MIPOL1: variants seen among roughly 807,000 people sequenced by gnomAD.
MIPOL1 encodes mirror-image polydactyly 1.
Under a neutral mutation model 60.9 loss-of-function variants are expected in MIPOL1, and 57 were observed. The ratio of observed to expected loss-of-function variants is 0.94; its 90% CI spans 0.76 to 1.17. The LOEUF is 1.17. Among genes scored for constraint, MIPOL1 ranks in the 50% most tolerant of loss-of-function variants. MIPOL1 has a pLI of 0.00. For missense variants in MIPOL1, 551 were observed against 511.6 expected (o/e 1.08, Z -0.74); for synonymous variants, 179 against 168.8 (o/e 1.06, Z -0.47).
At chr14:37,333,245 T>C (rs554787535) in intron 9 of MIPOL1, among the ~76,000 whole-genome samples, 1 of 152,326 alleles carries the variant, frequency 6.6e-6, no homozygotes, top group South Asian at 2.1e-4. Context: ...GTAAATTATA[T>C]TAATAAAATA....
chr14:37,244,972 C>T (rs1269807617), intron 1 of MIPOL1, among the ~76,000 whole-genome samples: 1 of 152,048 alleles, frequency 6.6e-6, no homozygotes, highest in Admixed American at 6.6e-5. Context: ...AAATGTGCCA[C>T]TAAATCTGTT....
intron 12 of MIPOL1, among the ~76,000 whole-genome samples, chr14:37,536,640 C>G (rs1414513581): frequency 1.3e-5 from 2 of 152,094 alleles, no homozygotes; most frequent in African/African-American, 4.8e-5. Context: ...TTTTCTCGCT[C>G]TCTCTAGAAT....
At chr14:37,299,725 CTT>C (rs961377486) in intron 7 of MIPOL1, among the ~76,000 whole-genome samples, 2 of 152,080 alleles carry the variant, frequency 1.3e-5, no homozygotes, top group Admixed American at 1.3e-4. Context: ...TACCATGATA[CTT>C]TTGTCACGGG....
intron 11 of MIPOL1, among the ~76,000 whole-genome samples, chr14:37,466,025 A>C (rs2153585273): frequency 6.6e-6 from 1 of 152,318 alleles, no homozygotes; most frequent in South Asian, 2.1e-4. Context: ...GATAATTTAA[A>C]AAGTCAATAG....
intron 1 of MIPOL1, among the ~76,000 whole-genome samples, chr14:37,231,492 AT>A (rs1970620626): frequency 6.6e-6 from 1 of 152,160 alleles, no homozygotes; most frequent in Non-Finnish European, 1.5e-5. Flanking sequence ...ATACTGACTG[AT>A]TTCTATGGTG....
intron 7 of MIPOL1, among the ~76,000 whole-genome samples, chr14:37,302,555 T>C (rs2086395930): frequency 6.6e-6 from 1 of 151,746 alleles, no homozygotes; most frequent in African/African-American, 2.4e-5. Context: ...GTCTTGTTTT[T>C]TTGAGTCTCT....
chr14:37,471,100 A>C (rs1456754234), intron 11 of MIPOL1, among the ~76,000 whole-genome samples: 2 of 152,166 alleles, frequency 1.3e-5, no homozygotes, highest in Non-Finnish European at 2.9e-5. Context: ...TATACAAATA[A>C]ATTTTTAAGT....
At chr14:37,248,901 T>C (rs1336755006) in intron 3 of MIPOL1, among the ~76,000 whole-genome samples, 1 of 151,610 alleles carries the variant, frequency 6.6e-6, no homozygotes, top group Non-Finnish European at 1.5e-5. Context: ...CAGAGAACAG[T>C]CAGAGACAGA....
intron 7 of MIPOL1, among the ~76,000 whole-genome samples, chr14:37,287,503 C>G (rs1231395728): frequency 3.3e-5 from 5 of 152,128 alleles, no homozygotes; most frequent in Non-Finnish European, 7.3e-5. Flanking sequence ...ATCCTCTCAC[C>G]TTGGCCTTCC....
chr14:37,491,070 T>C (rs1471945496), intron 11 of MIPOL1, among the ~76,000 whole-genome samples: 2 of 152,248 alleles, frequency 1.3e-5, no homozygotes, highest in African/African-American at 4.8e-5. Flanking sequence ...ATAAACTTTG[T>C]TGCCTGAGAA....
intron 7 of MIPOL1, among the ~76,000 whole-genome samples, chr14:37,297,397 G>C (rs1021238559): frequency 6.6e-6 from 1 of 152,122 alleles, no homozygotes; most frequent in Non-Finnish European, 1.5e-5. Flanking sequence ...ACTGGCACAA[G>C]ACAGGGATGC....
intron 9 of MIPOL1, among the ~76,000 whole-genome samples, chr14:37,326,423 G>A (rs972226761): frequency 3.9e-5 from 6 of 152,002 alleles, no homozygotes; most frequent in Non-Finnish European, 8.8e-5. Flanking sequence ...TTTTTTTTTG[G>A]CAGAAGCATT....
At chr14:37,357,421 T>G (rs554951799) in intron 9 of MIPOL1, among the ~76,000 whole-genome samples, 1 of 152,158 alleles carries the variant, frequency 6.6e-6, no homozygotes, top group Non-Finnish European at 1.5e-5. Context: ...GCATTTGTTA[T>G]TACTTGTCTT....
chr14:37,253,643 A>C (rs1309776723), intron 3 of MIPOL1, among the ~76,000 whole-genome samples: 2 of 151,804 alleles, frequency 1.3e-5, no homozygotes, highest in African/African-American at 4.8e-5. Context: ...ACTGAGTTTC[A>C]AAAGTATTAT....
intron 9 of MIPOL1, among the ~76,000 whole-genome samples, chr14:37,315,925 G>A (rs1012039588): frequency 1.3e-5 from 2 of 152,114 alleles, no homozygotes; most frequent in Admixed American, 6.6e-5. Flanking sequence ...GGAGCCAGGA[G>A]AGGAGATTGG....
At chr14:37,417,888 C>G (rs2093800577) in intron 10 of MIPOL1, among the ~76,000 whole-genome samples, 1 of 151,992 alleles carries the variant, frequency 6.6e-6, no homozygotes, top group Non-Finnish European at 1.5e-5. Flanking sequence ...TTGTTAGTTC[C>G]AACTTTCTTT....
intron 10 of MIPOL1, among the ~76,000 whole-genome samples, chr14:37,371,663 A>G (rs577193754): frequency 6.6e-6 from 1 of 152,244 alleles, no homozygotes; most frequent in Admixed American, 6.5e-5. Context: ...TGTCTTGCAT[A>G]ACACTGACTG....
intron 12 of MIPOL1, among the ~76,000 whole-genome samples, chr14:37,519,862 C>G (rs1350329086): frequency 6.6e-6 from 1 of 152,048 alleles, no homozygotes; most frequent in Admixed American, 6.6e-5. Flanking sequence ...CGGAATTTGG[C>G]CAGGTTTTTA....
chr14:37,403,080 C>T (rs1409209609), intron 10 of MIPOL1, among the ~76,000 whole-genome samples: 9 of 152,178 alleles, frequency 5.9e-5, no homozygotes, highest in African/African-American at 9.7e-5. Context: ...TTCCCAATAT[C>T]AGGGTGGAAG....
Sources: gnomAD v4.1 joint callset for allele counts (sites outside exome capture counted in the v4.1 genomes callset) on GRCh38, gnomAD v4.1.1 for gene constraint, MANE v1.5 for transcripts, NCBI Gene and HGNC (gene_info 2026-07-23, HGNC 2026-07-21) for gene names.